The following EPB41 variants were observed in gnomAD, a reference collection of about 807,000 sequenced individuals.
EPB41 encodes the protein protein 4.1.
Under a neutral mutation model 108.0 loss-of-function variants are expected in EPB41, and 65 were observed. That is an observed-to-expected ratio of 0.60 (90% confidence interval 0.49 to 0.74). The LOEUF is 0.74. EPB41 is among the 30% of genes least tolerant of loss of function. EPB41 has a pLI of 0.00. For missense variants in EPB41, 875 were observed against 1,037.0 expected (o/e 0.84, Z 2.15); for synonymous variants, 336 against 358.9 (o/e 0.94, Z 0.72).
chr1:29,068,764 G>C, intron 16 of EPB41: 1 of 1,232,188 alleles, frequency 8.1e-7, no homozygotes, highest in African/African-American at 1.5e-5. Flanking sequence ...CCCTCGGAAA[G>C]AAAGGTTGGT....
At position 29,106,564 on chromosome 1, in the gene EPB41, A is replaced by ATT. The variant is rs1187973613; in HGVS notation, c.2314-2746_2314-2745dup. 7.1e-3 allele frequency among the ~76,000 whole-genome samples: 359 copies of ATT among 50,876 alleles called. 74 individuals carry two copies. The highest frequency in any genetic ancestry group is 0.029 in the African/African-American group (341 of 11,756). 33.4% of individuals were successfully genotyped at this position (50,876 alleles called of 152,430 possible). On this transcript the variant is annotated intron_variant, in intron 17 of 20. Transcript: ENST00000343067. ...CCTCTCAGCCTCCCGAGTAGCTGGG[A>ATT]TTTTTTTTTTTTTTTTTTTTTTTTT...
chr1:29,013,732 T>C (rs1465869810), intron 5 of EPB41, among the ~76,000 whole-genome samples: 1 of 152,048 alleles, frequency 6.6e-6, no homozygotes, highest in Non-Finnish European at 1.5e-5. Context: ...TTTCGCCATG[T>C]TGGCCAGGAT....
intron 11 of EPB41, among the ~76,000 whole-genome samples, chr1:29,043,770 C>T (rs547754911): frequency 9.7e-4 from 147 of 152,292 alleles, no homozygotes; most frequent in African/African-American, 3.3e-3. Context: ...TCGCTGACAG[C>T]TGAATAGTCC....
At chr1:28,935,470 C>CCACACACACACACACACACACACACA in intron 1 of EPB41, among the ~76,000 whole-genome samples, 1 of 80,342 alleles carries the variant, frequency 1.2e-5, no homozygotes, top group South Asian at 6.0e-4. Context: ...CACACACACC[C>CCACACACACACACACACACACACACA]CCCCCCCCCC....
intron 12 of EPB41, among the ~76,000 whole-genome samples, chr1:29,054,714 G>A (rs1327766832): frequency 6.6e-6 from 1 of 152,102 alleles, no homozygotes; most frequent in Non-Finnish European, 1.5e-5. Flanking sequence ...GCTGGGTATG[G>A]TGACGCACAT....
In EPB41 at chr1:29,111,647, C is replaced by T. The variant is rs150274897; in HGVS notation, c.2416-721C>T. On this transcript the variant is annotated intron_variant, in intron 18 of 20. Coordinates refer to ENST00000343067, the MANE Select transcript of EPB41 (RefSeq NM_001376013.1). The stretch of plus-strand genomic sequence containing the variant: ...CAGCCTGGGCGACAGAGCAAGACTC[C>T]GTCTCAAAAAATAAATAAATAAATA... Among the ~76,000 whole-genome samples, 693 of 143,312 alleles carry T rather than the reference C, an allele frequency of 4.8e-3. 4 individuals are homozygous for T. The highest frequency in any genetic ancestry group is 0.017 in the African/African-American group (647 of 38,600). 94.0% of individuals were successfully genotyped at this position (143,312 alleles called of 152,430 possible).
intron 1 of EPB41, among the ~76,000 whole-genome samples, chr1:28,945,408 G>A (rs549619475): frequency 1.3e-5 from 2 of 152,244 alleles, no homozygotes; most frequent in Admixed American, 6.5e-5. Context: ...ACATAAAGGA[G>A]TTCAGTTAAT....
intron 1 of EPB41, among the ~76,000 whole-genome samples, chr1:28,967,648 G>C (rs1026838511): frequency 1.3e-5 from 2 of 150,692 alleles, no homozygotes; most frequent in Non-Finnish European, 3.0e-5. Flanking sequence ...CTCTGTTTCC[G>C]AGGCTGGAGT....
intron 1 of EPB41, among the ~76,000 whole-genome samples, chr1:28,907,611 G>C (rs751098496): frequency 2.0e-5 from 3 of 152,126 alleles, no homozygotes; most frequent in Non-Finnish European, 4.4e-5. Context: ...CACTGTGCCT[G>C]GCCTTTTTTT....
chr1:29,028,526 T>C (rs1438217652), intron 7 of EPB41, among the ~76,000 whole-genome samples: 1 of 152,226 alleles, frequency 6.6e-6, no homozygotes, highest in Non-Finnish European at 1.5e-5. Flanking sequence ...ATTATGATTC[T>C]CGTTTTATAG....
intron 1 of EPB41, among the ~76,000 whole-genome samples, chr1:28,933,711 A>AT (rs908845808): frequency 6.6e-6 from 1 of 151,842 alleles, no homozygotes; most frequent in Non-Finnish European, 1.5e-5. Context: ...GGTTTGTCTG[A>AT]TTTTTTTCCA....
At chr1:29,004,234 T>G (rs1263522304) in intron 4 of EPB41, among the ~76,000 whole-genome samples, 5 of 152,210 alleles carry the variant, frequency 3.3e-5, no homozygotes, top group Non-Finnish European at 7.3e-5. Context: ...CCCTCCAAAT[T>G]TCATCTCTAA....
intron 1 of EPB41, among the ~76,000 whole-genome samples, chr1:28,972,088 A>AT (rs1352209371): frequency 2.0e-5 from 3 of 151,934 alleles, no homozygotes; most frequent in Admixed American, 6.6e-5. Context: ...TGCCCAGCTA[A>AT]TTTTTTGTAT....
At chr1:29,113,945 G>A (rs988325917) in intron 19 of EPB41, among the ~76,000 whole-genome samples, 2 of 152,178 alleles carry the variant, frequency 1.3e-5, no homozygotes, top group African/African-American at 4.8e-5. Context: ...GTCACAAAGA[G>A]AAGACTTGAG....
chr1:29,070,595 T>C, intron 16 of EPB41: 1 of 1,232,142 alleles, frequency 8.1e-7, no homozygotes, highest in Non-Finnish European at 1.0e-6. Flanking sequence ...GTTGGCTGTT[T>C]GGTGGTTGGT....
chr1:29,006,237 T>A (rs2096398236), intron 4 of EPB41, among the ~76,000 whole-genome samples: 1 of 149,016 alleles, frequency 6.7e-6, no homozygotes. Context: ...CCAAAGAATT[T>A]TTTTTTTTTT....
chr1:28,965,601 C>T (rs1168153337), intron 1 of EPB41, among the ~76,000 whole-genome samples: 3 of 151,770 alleles, frequency 2.0e-5, no homozygotes, highest in Admixed American at 6.6e-5. Flanking sequence ...TTTCAGAGCA[C>T]ATATAAATGA....
At chr1:28,932,770 A>T (rs1335320679) in intron 1 of EPB41, among the ~76,000 whole-genome samples, 2 of 152,212 alleles carry the variant, frequency 1.3e-5, no homozygotes, top group Non-Finnish European at 2.9e-5. Flanking sequence ...ACTTAGAAGC[A>T]AACTTGCTCT....
At chr1:29,011,551 A>G (rs1003890806) in intron 4 of EPB41, among the ~76,000 whole-genome samples, 7 of 152,168 alleles carry the variant, frequency 4.6e-5, no homozygotes, top group African/African-American at 1.4e-4. Flanking sequence ...GTATTAACTC[A>G]TTTTATCTTC....
Sources: gnomAD v4.1 joint callset for allele counts (sites outside exome capture counted in the v4.1 genomes callset) on GRCh38, gnomAD v4.1.1 for gene constraint, MANE v1.5 for transcripts, NCBI Gene and HGNC (gene_info 2026-07-23, HGNC 2026-07-21) for gene names.